PLCD1: variants seen among roughly 807,000 people sequenced by gnomAD.
PLCD1 encodes phospholipase C delta 1.
Under a neutral mutation model 87.4 loss-of-function variants are expected in PLCD1, and 71 were observed. The ratio of observed to expected loss-of-function variants is 0.81; its 90% CI spans 0.67 to 0.99. The LOEUF is 0.99. PLCD1 is among the 50% of genes least tolerant of loss of function. PLCD1 has a pLI of 0.00. For synonymous variants in PLCD1, 348 were observed against 399.2 expected, an observed-to-expected ratio of 0.87 and a Z score of 1.53; for missense variants, 867 against 1,001.5, an observed-to-expected ratio of 0.87 and a Z score of 1.81.
chr3:38,010,301 C>A, intron 6 of PLCD1, 26 bp from the exon 7 acceptor site: 1 of 1,614,174 alleles, frequency 6.2e-7, no homozygotes, highest in South Asian at 1.1e-5. Context: ...TGGCTAGGAC[C>A]CTCCAGGTCC....
In PLCD1 at chr3:38,007,504, A is replaced by AC; in HGVS notation, c.*268_*269insG. On this transcript the variant is annotated 3_prime_UTR_variant, in exon 15 of 15. Coordinates refer to ENST00000334661, the MANE Select transcript of PLCD1 (RefSeq NM_006225.4). ...TAAAGAGACCACAAGGCTTAATCTT[A>AC]TCGTGATTTTTATAAAAATCCTTGA... The AC allele has an allele frequency of 1.6e-6, 1 of 642,238 alleles. No homozygotes were observed. Among genetic ancestry groups the AC allele is most frequent in the Non-Finnish European group, 2.9e-6 (1 of 348,296 alleles). The allele number at this position is 642,238 out of a possible 1,614,324, so 39.8% of individuals were successfully genotyped here.
chr3:38,029,441 C>T, intron 1 of PLCD1, 65 bp downstream of exon 1: 1 of 1,434,940 alleles, frequency 7.0e-7, no homozygotes, highest in Non-Finnish European at 9.5e-7. Context: ...CTGTCCAGGG[C>T]CCGGAACAGC....
Position 38,019,670 on chromosome 3 carries a change from A to G in PLCD1, c.199+518T>C, listed in dbSNP as rs572089252. Among the ~76,000 whole-genome samples, 3 of 152,162 alleles carry G rather than the reference A, an allele frequency of 2.0e-5. No homozygotes were observed. In the East Asian group the frequency reaches 5.8e-4, roughly 29 times the overall value. On this transcript the variant is annotated intron_variant, in intron 2 of 14. Coordinates refer to ENST00000334661, the MANE Select transcript of PLCD1 (RefSeq NM_006225.4). ...CTTCCAGAATGCCCTCAGACCCACA[A>G]GGGCTCCCCAGCAGTGGCCTCTGTC... is the stretch of plus-strand genomic sequence containing the variant.
chr3:38,025,200 G>C lies in PLCD1; in HGVS notation c.34+4306C>G, dbSNP rs1465920988. ...CACTGGAAGGGCGGTGTCCAGGCAG[G>C]GAGGGGCGGTCCCTCGGCTTTGGAG... On this transcript the variant is annotated intron_variant, in intron 1 of 14. Coordinates refer to ENST00000334661, the MANE Select transcript of PLCD1 (RefSeq NM_006225.4). The surrounding 1 kb of genome is among the most constrained non-coding windows in gnomAD (Gnocchi z 4.0). Among the ~76,000 whole-genome samples, 2 of 152,092 alleles carry C rather than the reference G, an allele frequency of 1.3e-5. No homozygotes were observed. The highest frequency in any genetic ancestry group is 1.9e-4 in the East Asian group (1 of 5,180).
chr3:38,016,872 A>G (rs1048677880), intron 2 of PLCD1, among the ~76,000 whole-genome samples, 153 bp from the exon 3 acceptor site: 1 of 152,110 alleles, frequency 6.6e-6, no homozygotes, highest in African/African-American at 2.4e-5. Flanking sequence ...AGGAAAGGAG[A>G]GGGGCAGGAG....
In PLCD1 at chr3:38,016,512, T is replaced by A. The variant is rs771125181; in HGVS notation, c.407A>T (p.Asp136Val). 2.5e-6 allele frequency: 4 copies of A among 1,613,372 alleles called. No homozygotes were observed. Among genetic ancestry groups the A allele is most frequent in the Middle Eastern group, 1.7e-4 (1 of 6,038 alleles). ...ATACTGCTGTAGCTTCTGACGCTGG[T>A]CCATGGAGCCTGAGTGGTGGATGAT... is the stretch of plus-strand genomic sequence containing the variant. ...HKIIHHSGSM[D>V]QRQKLQHWIH... The change falls in exon 3 of 15, where the codon GAC (aspartate) becomes GTC (valine). Residue 136 changes from aspartate to valine, a missense_variant. By Grantham distance (152) the Asp-to-Val change is radical (BLOSUM62 -3). Transcript: ENST00000334661.
intron 3 of PLCD1, among the ~76,000 whole-genome samples, chr3:38,014,103 T>C (rs1454822494): frequency 6.6e-6 from 1 of 152,182 alleles, no homozygotes; most frequent in African/African-American, 2.4e-5. Context: ...AATTACATGT[T>C]CATGGATCAG....
Position 38,010,038 on chromosome 3 carries a change from CAG to C in PLCD1, c.1151_1152del (p.Pro384ArgfsTer45), listed in dbSNP as rs1559371771. The part of the protein sequence containing the change: ...RDYAFKASPY[P>X]VILSLENHCT... ...CAGTGGTTCTCCAGGGATAGGATGA[CAG>C]GGTAGGGGGACGCCTGGAGGCCCAA... On this transcript the variant is annotated frameshift_variant, in exon 8 of 15. Coordinates refer to ENST00000334661, the MANE Select transcript of PLCD1 (RefSeq NM_006225.4). LOFTEE classifies it high-confidence loss of function. 3.7e-6 allele frequency: 6 copies of C among 1,614,100 alleles called. No individual in the cohort carries two copies. In the Admixed American group the frequency reaches 5.0e-5, roughly 13 times the overall value.
rs1700184625 is a variant in PLCD1, at chr3:38,018,148, C to G, written c.200-1429G>C. Reference sequence around the variant, plus strand: ...AAGCAGGAAGCAGAGCTAAAGAAAACTGGGCAGAAGGGGAGGCTATTCCAG... The same window carrying G: ...AAGCAGGAAGCAGAGCTAAAGAAAAGTGGGCAGAAGGGGAGGCTATTCCAG... On this transcript the variant is annotated intron_variant, in intron 2 of 14. Transcript: ENST00000334661. This position sits in a 1 kb window ranked among gnomAD's most constrained non-coding sequence, Gnocchi z 5.7. Among the ~76,000 whole-genome samples, 1 of 152,182 alleles carries G rather than the reference C, an allele frequency of 6.6e-6. No individual in the cohort carries two copies. Among genetic ancestry groups the G allele is most frequent in the Non-Finnish European group, 1.5e-5 (1 of 68,022 alleles).
intron 1 of PLCD1, among the ~76,000 whole-genome samples, chr3:38,027,935 A>G (rs1700325394): frequency 6.6e-6 from 1 of 152,214 alleles, no homozygotes; most frequent in Non-Finnish European, 1.5e-5. Context: ...ACCCTTCAGG[A>G]AAGGCTGGAC....
rs1183475282 is a variant in PLCD1 at position 38,009,030 on chromosome 3, G to A, written c.1723+12C>T. On this transcript the variant is annotated intron_variant, in intron 11 of 14. Coordinates refer to ENST00000334661, the MANE Select transcript of PLCD1 (RefSeq NM_006225.4). ...CTCCTCCAGGCCTCCTCCAGCCCCA[G>A]CCAGCCCATACCGATCTGGCAGCCC... is the stretch of plus-strand genomic sequence containing the variant. The A allele has an allele frequency of 6.2e-7, 1 of 1,602,638 alleles. No individual in the cohort carries two copies. Among genetic ancestry groups the A allele is most frequent in the South Asian group, 1.1e-5 (1 of 90,840 alleles).
chr3:38,013,912 C>A (rs1700119708), intron 3 of PLCD1, among the ~76,000 whole-genome samples: 1 of 152,106 alleles, frequency 6.6e-6, no homozygotes, highest in Non-Finnish European at 1.5e-5. Context: ...AAAATGTGTC[C>A]CCTAAGGAGT....
chr3:38,019,491 G>A, intron 2 of PLCD1, among the ~76,000 whole-genome samples: 1 of 152,152 alleles, frequency 6.6e-6, no homozygotes, highest in Admixed American at 6.5e-5. Flanking sequence ...AAGGCATAGA[G>A]GGAGACATCT....
rs191071095 is a variant in PLCD1 at position 38,008,439 on chromosome 3, C to T, written c.1902+19G>A. On this transcript the variant is annotated intron_variant, in intron 12 of 14. Transcript: ENST00000334661. The stretch of plus-strand genomic sequence containing the variant: ...GAAGGGAGGTCCGTGGGCACCTGTC[C>T]CTCCTAGGTCCAGCGTACCCTGATG... 5,076 of 1,614,094 alleles carry T rather than the reference C, an allele frequency of 3.1e-3. 10 individuals carry two copies. The highest frequency in any genetic ancestry group is 7.3e-3 in the Middle Eastern group (44 of 6,062).
intron 5 of PLCD1, among the ~76,000 whole-genome samples, chr3:38,010,959 T>C (rs1373129731): frequency 1.3e-5 from 2 of 152,032 alleles, no homozygotes; most frequent in Non-Finnish European, 2.9e-5. Context: ...TCTTGTTTCT[T>C]GAAGAAGGGG....
rs1700036252 is a variant in PLCD1 at position 38,009,698 on chromosome 3, C to T, written c.1401G>A (p.Glu467=). 1 of 1,614,090 alleles carries T rather than the reference C, an allele frequency of 6.2e-7. No individual in the cohort carries two copies. Residue 467 remains glutamate (E), a synonymous_variant, in exon 9 of 15, where the codon GAG becomes GAA. Transcript: ENST00000334661. ...GGCTCCTCACTGCCTCATCCTCCAT[C>T]TCAGCAGCCTCGTCTTCGTCTGACA... The part of the protein sequence containing the change: ...TVVSDEDEAA[E]MEDEAVRSRV...
intron 3 of PLCD1, among the ~76,000 whole-genome samples, chr3:38,012,575 G>A (rs547266903): frequency 2.7e-5 from 4 of 147,912 alleles, no homozygotes; most frequent in Admixed American, 6.8e-5. Flanking sequence ...AGAGTACACT[G>A]GCGCGATCTC....
At chr3:38,020,046 G>A (rs1700210482) in intron 2 of PLCD1, 142 bp downstream of exon 2, 1 of 787,676 alleles carries the variant, frequency 1.3e-6, no homozygotes, top group Non-Finnish European at 2.2e-6. Context: ...GCCAGCCCAG[G>A]TTATATAAAT....
At position 38,008,006 on chromosome 3, in the gene PLCD1, A is replaced by T; in HGVS notation, c.2185+8T>A. ...CCACCTTGGCCATCCCCTTCTCTTG[A>T]CACTCACCTTGCTTGAGGCTGTTCA... On this transcript the variant is annotated splice_region_variant and intron_variant, in intron 14 of 14. Transcript: ENST00000334661. 8 of 1,614,092 alleles carry T rather than the reference A, an allele frequency of 5.0e-6. No individual in the cohort carries two copies. The highest frequency in any genetic ancestry group is 5.9e-6 in the Non-Finnish European group (7 of 1,179,998).
Sources: gnomAD v4.1 joint callset for allele counts (sites outside exome capture counted in the v4.1 genomes callset) on GRCh38, gnomAD v4.1.1 for gene constraint, Gnocchi (gnomAD v3.1) non-coding constraint, MANE v1.5 for transcripts, NCBI Gene and HGNC (gene_info 2026-07-23, HGNC 2026-07-21) for gene names.